Variants in TCF7L1 observed in about 807,000 individuals in gnomAD.
TCF7L1 encodes the protein transcription factor 7-like 1.
TCF7L1 carries 18 observed loss-of-function variants against 63.7 expected under a neutral mutation model. The ratio of observed to expected loss-of-function variants is 0.28; its 90% CI spans 0.20 to 0.42. The LOEUF (loss-of-function observed/expected upper bound fraction) is 0.42, where lower values mean the gene tolerates loss of function less well. TCF7L1 is among the 10% of genes least tolerant of loss of function. The pLI is 1.00. For synonymous variants in TCF7L1, 355 were observed against 340.9 expected (o/e 1.04, Z -0.46); for missense variants, 654 against 779.3 (o/e 0.84, Z 1.91).
intron 3 of TCF7L1, among the ~76,000 whole-genome samples, chr2:85,201,068 G>A (rs1261582264): frequency 6.6e-6 from 1 of 152,126 alleles, no homozygotes; most frequent in African/African-American, 2.4e-5. Flanking sequence ...CTGGTGCAGT[G>A]GTGTGCGCCT....
At chr2:85,207,617 G>A (rs1169892151) in intron 3 of TCF7L1, among the ~76,000 whole-genome samples, 1 of 151,682 alleles carries the variant, frequency 6.6e-6, no homozygotes, top group African/African-American at 2.4e-5. Flanking sequence ...GGGTAGGTGG[G>A]TGGATGGATG....
chr2:85,166,679 G>T (rs1678426517), intron 3 of TCF7L1, among the ~76,000 whole-genome samples: 1 of 152,218 alleles, frequency 6.6e-6, no homozygotes, highest in South Asian at 2.1e-4. Context: ...GATTACCACA[G>T]TAGATGGGAA....
chr2:85,214,876 A>C (rs887687841), intron 3 of TCF7L1, among the ~76,000 whole-genome samples: 2 of 152,254 alleles, frequency 1.3e-5, no homozygotes, highest in Non-Finnish European at 2.9e-5. Context: ...CCTTGGCAAC[A>C]TTTGAATAAC....
At chr2:85,261,863 A>G (rs905359820) in intron 3 of TCF7L1, among the ~76,000 whole-genome samples, 3 of 152,250 alleles carry the variant, frequency 2.0e-5, no homozygotes, top group Admixed American at 6.5e-5. Flanking sequence ...CCTGGGCAAC[A>G]GAGCAAGACA....
chr2:85,190,982 A>G (rs565814692), intron 3 of TCF7L1, among the ~76,000 whole-genome samples: 5 of 152,288 alleles, frequency 3.3e-5, no homozygotes, highest in African/African-American at 1.2e-4. Flanking sequence ...GCCAGCATTA[A>G]TGACTCTGGT....
chr2:85,207,999 CG>C (rs1028011709), intron 3 of TCF7L1, among the ~76,000 whole-genome samples: 10 of 152,020 alleles, frequency 6.6e-5, no homozygotes, highest in Non-Finnish European at 1.5e-4. Flanking sequence ...CTCTGCCTCC[CG>C]GGTTCACGCC....
At chr2:85,238,781 A>T (rs767902207) in intron 3 of TCF7L1, among the ~76,000 whole-genome samples, 2 of 448 alleles carry the variant, frequency 4.5e-3, no homozygotes, top group Admixed American at 0.042. Flanking sequence ...GGAGCATTTT[A>T]TTTATTTATT....
chr2:85,196,883 C>T (rs1679168624), intron 3 of TCF7L1, among the ~76,000 whole-genome samples: 1 of 152,202 alleles, frequency 6.6e-6, no homozygotes, highest in African/African-American at 2.4e-5. Context: ...CTTCCCCTGA[C>T]TGCAGTGACT....
intron 3 of TCF7L1, among the ~76,000 whole-genome samples, chr2:85,236,170 C>CA (rs950436776): frequency 1.5e-5 from 2 of 132,548 alleles, no homozygotes; most frequent in African/African-American, 8.4e-5. Flanking sequence ...GCCATCCCCC[C>CA]CCCAAAAAAA....
intron 3 of TCF7L1, chr2:85,262,035 A>G: frequency 1.9e-6 from 1 of 528,252 alleles, no homozygotes; most frequent in Non-Finnish European, 3.8e-6. Flanking sequence ...TTCATTGATC[A>G]TTTCTAGCTG....
At chr2:85,231,191 C>T (rs1309962703) in intron 3 of TCF7L1, among the ~76,000 whole-genome samples, 3 of 152,166 alleles carry the variant, frequency 2.0e-5, no homozygotes, top group African/African-American at 7.2e-5. Flanking sequence ...TAGAGAGCCC[C>T]AGGCTGTAGG....
At chr2:85,216,788 T>C (rs898666565) in intron 3 of TCF7L1, among the ~76,000 whole-genome samples, 4 of 152,150 alleles carry the variant, frequency 2.6e-5, no homozygotes, top group Non-Finnish European at 1.5e-5. Flanking sequence ...CATGAGTCTT[T>C]ACAATACCTG....
At chr2:85,243,834 T>C (rs1246190964) in intron 3 of TCF7L1, among the ~76,000 whole-genome samples, 4 of 152,066 alleles carry the variant, frequency 2.6e-5, no homozygotes, top group African/African-American at 4.8e-5. Context: ...AGAGTTGACG[T>C]TGGGAGCTGC....
intron 3 of TCF7L1, among the ~76,000 whole-genome samples, chr2:85,196,648 G>A (rs1336855924): frequency 6.6e-5 from 10 of 151,994 alleles, no homozygotes; most frequent in Non-Finnish European, 1.5e-5. Flanking sequence ...GGGATTACAG[G>A]TGCAAGCCAC....
At chr2:85,285,842 C>G (rs1287161724) in intron 4 of TCF7L1, among the ~76,000 whole-genome samples, 2 of 152,200 alleles carry the variant, frequency 1.3e-5, no homozygotes, top group Non-Finnish European at 2.9e-5. Context: ...CTTAGTTTCT[C>G]TCTGCATATT....
chr2:85,265,589 C>T (rs890500417), intron 3 of TCF7L1, among the ~76,000 whole-genome samples: 16 of 152,150 alleles, frequency 1.1e-4, no homozygotes, highest in Non-Finnish European at 1.9e-4. Flanking sequence ...CACTTACTGG[C>T]CCCAGCGTAT....
intron 3 of TCF7L1, among the ~76,000 whole-genome samples, chr2:85,230,054 T>C (rs1680043350): frequency 6.6e-6 from 1 of 152,246 alleles, no homozygotes; most frequent in African/African-American, 2.4e-5. Context: ...AGACCTTTCT[T>C]CTGGCATGTA....
intron 3 of TCF7L1, among the ~76,000 whole-genome samples, chr2:85,198,540 C>A (rs1343485647): frequency 6.6e-6 from 1 of 152,188 alleles, no homozygotes; most frequent in Non-Finnish European, 1.5e-5. Context: ...GAGCAGCCCT[C>A]GCTGGCCATG....
chr2:85,218,466 G>A (rs919042257), intron 3 of TCF7L1, among the ~76,000 whole-genome samples: 2 of 152,096 alleles, frequency 1.3e-5, no homozygotes, highest in African/African-American at 4.8e-5. Flanking sequence ...ATGTTGCCCA[G>A]GTTGGTCTTG....
Sources: allele counts gnomAD v4.1 joint callset (sites outside exome capture counted in the v4.1 genomes callset), GRCh38; gene constraint gnomAD v4.1.1; transcripts MANE v1.5; gene names NCBI Gene and HGNC (gene_info 2026-07-23, HGNC 2026-07-21).